The following TPRG1 variants were observed in gnomAD, a reference collection of about 807,000 sequenced individuals.
TPRG1 encodes tumor protein p63-regulated gene 1 protein.
A neutral mutation model predicts 29.3 loss-of-function variants in TPRG1; 29 were observed. The ratio of observed to expected loss-of-function variants is 0.99; its 90% CI spans 0.74 to 1.35. TPRG1 has a LOEUF of 1.35. TPRG1 is among the 40% of genes most tolerant of loss of function. TPRG1 has a pLI of 0.00. For synonymous variants in TPRG1, 130 were observed against 116.8 expected, an observed-to-expected ratio of 1.11 and a Z score of -0.73; for missense variants, 327 against 335.0, an observed-to-expected ratio of 0.98 and a Z score of 0.19.
intron 4 of TPRG1, among the ~76,000 whole-genome samples, chr3:189,058,843 A>G (rs1004484911): frequency 6.6e-6 from 1 of 152,188 alleles, no homozygotes; most frequent in Non-Finnish European, 1.5e-5. Flanking sequence ...AATTGATGGA[A>G]TGGACCTCAA....
rs1211272954 is a variant in TPRG1, at chr3:189,322,451, G to A, written c.*1631G>A. ...CCCCATGATGGCAAATATTGTTATA[G>A]TCCCCAAGGCAGGGAACTTCTATTC... On this transcript the variant is annotated 3_prime_UTR_variant, in exon 6 of 6. Transcript: ENST00000345063. 2 of 151,808 alleles carry A rather than the reference G, an allele frequency of 1.3e-5. No homozygotes were observed. Among genetic ancestry groups the A allele is most frequent in the Non-Finnish European group, 2.9e-5 (2 of 67,890 alleles). The allele number at this position is 151,808 out of a possible 1,614,324, so 9.4% of individuals were successfully genotyped here.
chr3:189,222,179 G>C (rs1377675848), intron 3 of TPRG1, among the ~76,000 whole-genome samples: 1 of 151,962 alleles, frequency 6.6e-6, no homozygotes, highest in Non-Finnish European at 1.5e-5. Flanking sequence ...CTTTGACCAG[G>C]AACAACAAAA....
chr3:189,022,791 T>A (rs531899672), intron 3 of TPRG1, among the ~76,000 whole-genome samples: 1 of 152,250 alleles, frequency 6.6e-6, no homozygotes, highest in Non-Finnish European at 1.5e-5. Context: ...GTTTACCTAA[T>A]CAAGCCGGGG....
At chr3:189,103,978 C>G (rs1188532227) in intron 1 of TPRG1, among the ~76,000 whole-genome samples, 1 of 152,042 alleles carries the variant, frequency 6.6e-6, no homozygotes, top group Non-Finnish European at 1.5e-5. Flanking sequence ...GTCAGTTTAC[C>G]ATTGATGTGG....
intron 4 of TPRG1, among the ~76,000 whole-genome samples, chr3:189,072,771 G>A (rs1465297198): frequency 2.0e-5 from 3 of 151,532 alleles, no homozygotes; most frequent in South Asian, 2.1e-4. Flanking sequence ...CAATCAATTC[G>A]TCCATCCATC....
chr3:189,158,336 C>T lies in TPRG1; in HGVS notation c.-10+7464C>T, dbSNP rs186256064. On this transcript the variant is annotated intron_variant, in intron 5 of 6. Transcript: ENST00000412373. ...TAAAAACTTGCAGTGGGGCTGGGCGCGGTGGCTCACACCTGTAATACCAGC... is the reference window on the plus strand; with the variant it reads ...TAAAAACTTGCAGTGGGGCTGGGCGTGGTGGCTCACACCTGTAATACCAGC... Among the ~76,000 whole-genome samples the T allele has an allele frequency of 4.7e-4, 72 of 152,138 alleles. 2 individuals are homozygous for T. The highest frequency in any genetic ancestry group is 1.6e-3 in the African/African-American group (65 of 41,516).
At chr3:189,155,283 G>T (rs1056999100) in intron 5 of TPRG1, among the ~76,000 whole-genome samples, 2 of 152,154 alleles carry the variant, frequency 1.3e-5, no homozygotes, top group Non-Finnish European at 2.9e-5. Context: ...GGAAGTTTCT[G>T]CAATAAATTA....
At chr3:189,056,387 T>C (rs1342726646) in intron 4 of TPRG1, among the ~76,000 whole-genome samples, 1 of 152,120 alleles carries the variant, frequency 6.6e-6, no homozygotes, top group Non-Finnish European at 1.5e-5. Context: ...TGAGCCACCA[T>C]GCCCAGCCTA....
chr3:189,223,376 A>T (rs1271602598), intron 3 of TPRG1, among the ~76,000 whole-genome samples: 1 of 152,218 alleles, frequency 6.6e-6, no homozygotes, highest in Admixed American at 6.5e-5. Context: ...GACCTGTGGC[A>T]GGACTCTGGC....
chr3:189,295,587 T>G (rs900686594), intron 4 of TPRG1, among the ~76,000 whole-genome samples: 1 of 151,732 alleles, frequency 6.6e-6, no homozygotes, highest in Non-Finnish European at 1.5e-5. Flanking sequence ...AGAGACTCAT[T>G]TCTTCTCTGC....
intron 4 of TPRG1, among the ~76,000 whole-genome samples, chr3:189,046,695 T>C (rs1714997601): frequency 6.6e-6 from 1 of 152,202 alleles, no homozygotes; most frequent in Non-Finnish European, 1.5e-5. Flanking sequence ...TCCTGTAGTA[T>C]ACGTTTCCTT....
intron 4 of TPRG1, among the ~76,000 whole-genome samples, chr3:189,265,120 T>C (rs1249287961): frequency 6.6e-6 from 1 of 152,116 alleles, no homozygotes; most frequent in Non-Finnish European, 1.5e-5. Context: ...TGCTTTGTGG[T>C]TTGGTGTGGT....
chr3:189,167,189 C>T (rs1728269243), upstream of TPRG1, among the ~76,000 whole-genome samples: 1 of 152,186 alleles, frequency 6.6e-6, no homozygotes, highest in African/African-American at 2.4e-5. Context: ...CCCACACTTC[C>T]TCCTGAGCCC....
upstream of TPRG1, among the ~76,000 whole-genome samples, chr3:189,170,046 CAG>C (rs1335991345): frequency 6.6e-6 from 1 of 152,190 alleles, no homozygotes; most frequent in East Asian, 1.9e-4. Flanking sequence ...TGTCTTTTCA[CAG>C]AGTTTCTTGC....
At chr3:189,044,255 A>G (rs772664558) in intron 4 of TPRG1, among the ~76,000 whole-genome samples, 1 of 152,070 alleles carries the variant, frequency 6.6e-6, no homozygotes, top group Non-Finnish European at 1.5e-5. Context: ...CAACATCATG[A>G]CAAAGAAAAA....
At chr3:189,169,109 A>G (rs1728498368), upstream of TPRG1, among the ~76,000 whole-genome samples, 2 of 152,358 alleles carry the variant, frequency 1.3e-5, no homozygotes, top group South Asian at 4.1e-4. Context: ...AACATACGTT[A>G]TTTCTCATAG....
rs1036672408 is a variant in TPRG1 at position 189,207,576 on chromosome 3, G to T, written c.192G>T (p.Arg64=). 6.2e-7 allele frequency: 1 copy of T among 1,611,896 alleles called. No individual in the cohort carries two copies. The highest frequency in any genetic ancestry group is 8.5e-7 in the Non-Finnish European group (1 of 1,178,048). Residue 64 remains arginine (R), a synonymous_variant, in exon 2 of 6, where the codon CGG becomes CGT. Transcript: ENST00000345063. ...PNPYHQPYIS[R]KYFATRPGAI... The stretch of plus-strand genomic sequence containing the variant: ...CTTATCATCAGCCTTATATCTCACG[G>T]AAGTACTTTGCTACACGGGTAAATT...
intron 4 of TPRG1, among the ~76,000 whole-genome samples, chr3:189,086,204 C>T (rs1717924258): frequency 6.6e-6 from 1 of 152,140 alleles, no homozygotes; most frequent in South Asian, 2.1e-4. Flanking sequence ...AAGCATCCAG[C>T]ACAGGAGAAA....
chr3:189,259,367 T>C (rs1002314351), intron 4 of TPRG1, among the ~76,000 whole-genome samples: 2 of 151,154 alleles, frequency 1.3e-5, no homozygotes, highest in Non-Finnish European at 2.9e-5. Flanking sequence ...ACTGGGTACC[T>C]CAGTTGGAAA....
Sources: gnomAD v4.1 joint callset for allele counts (sites outside exome capture counted in the v4.1 genomes callset) on GRCh38, gnomAD v4.1.1 for gene constraint, MANE v1.5 for transcripts, NCBI Gene and HGNC (gene_info 2026-07-23, HGNC 2026-07-21) for gene names.